Variants in ITLN1 observed in about 807,000 individuals in gnomAD.
ITLN1 encodes the protein intelectin 1, also known as intelectin-1.
A neutral mutation model predicts 36.2 loss-of-function variants in ITLN1; 29 were observed. The ratio of observed to expected loss-of-function variants is 0.80; its 90% CI spans 0.60 to 1.09. The LOEUF (loss-of-function observed/expected upper bound fraction) is 1.09, where lower values mean the gene tolerates loss of function less well. Ranked by LOEUF, ITLN1 falls within the 50% of genes least tolerant of loss-of-function variation. ITLN1 has a pLI of 0.00. For missense variants in ITLN1, 358 were observed against 405.2 expected (o/e 0.88, Z 1.00); for synonymous variants, 143 against 146.5 (o/e 0.98, Z 0.17).
intron 3 of ITLN1, 47 bp downstream of exon 3, chr1:160,883,381 A>G (rs771272900): frequency 1.7e-4 from 229 of 1,320,990 alleles, no homozygotes; most frequent in Non-Finnish European, 2.1e-4. Flanking sequence ...CAGAAGACAC[A>G]ATCCTGATAC....
intron 7 of ITLN1, among the ~76,000 whole-genome samples, chr1:160,877,118 G>T (rs1429435752): frequency 6.6e-6 from 1 of 152,202 alleles, no homozygotes; most frequent in South Asian, 2.1e-4. Context: ...AGCACCTGTA[G>T]TCCCACTACT....
rs116498372 is a variant in ITLN1 at position 160,880,521 on chromosome 1, T to C, written c.685+67A>G. On this transcript the variant is annotated intron_variant, in intron 6 of 7. Coordinates refer to ENST00000326245, the MANE Select transcript of ITLN1 (RefSeq NM_017625.3). ...ACCAAGCTTCAGTCCGATGCATAACTGTTACCTAGCATAGTTGAATGTATT... is the reference window on the plus strand; with the variant it reads ...ACCAAGCTTCAGTCCGATGCATAACCGTTACCTAGCATAGTTGAATGTATT... The C allele has an allele frequency of 1.2e-3, 1,928 of 1,542,752 alleles. 9 individuals carry two copies. Among genetic ancestry groups the C allele is most frequent in the Non-Finnish European group, 8.3e-4 (934 of 1,121,712 alleles).
At chr1:160,883,281 C>T in intron 3 of ITLN1, 147 bp downstream of exon 3, 1 of 556,972 alleles carries the variant, frequency 1.8e-6, no homozygotes, top group South Asian at 2.1e-5. Context: ...GAATTGCACA[C>T]TTAATGTTGC....
chr1:160,877,359 C>T (rs1670606554), intron 7 of ITLN1, among the ~76,000 whole-genome samples: 1 of 152,176 alleles, frequency 6.6e-6, no homozygotes, highest in Admixed American at 6.5e-5. Flanking sequence ...CATAAATCCT[C>T]TAAGTGCTGC....
rs1670658656 is a variant in ITLN1, at chr1:160,880,571, G to T, written c.685+17C>A. The T allele has an allele frequency of 1.2e-6, 2 of 1,613,084 alleles. No homozygotes were observed. Among genetic ancestry groups the T allele is most frequent in the Non-Finnish European group, 1.7e-6 (2 of 1,179,562 alleles). ...TCCCTTTCCTACCAGGAGTTCAGAG[G>T]ATCATTAAAGACTCACGCTGGCCAT... On this transcript the variant is annotated intron_variant, in intron 6 of 7. Coordinates refer to ENST00000326245, the MANE Select transcript of ITLN1 (RefSeq NM_017625.3).
In ITLN1 at chr1:160,880,685, T is replaced by C. The variant is rs751119671; in HGVS notation, c.588A>G (p.Glu196=). Reference sequence around the variant, plus strand: ...GGCCGTTGTCAGTCCAACACTTTCCTTCTCCATATTTCACTGGATATTTCT... The same window carrying C: ...GGCCGTTGTCAGTCCAACACTTTCCCTCTCCATATTTCACTGGATATTTCT... ...IYQKYPVKYG[E]GKCWTDNGPV... Residue 196 remains glutamate (E), a synonymous_variant, in exon 6 of 8, where the codon GAA becomes GAG. Transcript: ENST00000326245. 31 of 1,614,024 alleles carry C rather than the reference T, an allele frequency of 1.9e-5. No homozygotes were observed. The highest frequency in any genetic ancestry group is 2.3e-5 in the Non-Finnish European group (27 of 1,180,016).
At position 160,884,894 on chromosome 1, in the gene ITLN1, C is replaced by A; in HGVS notation, c.-6-11G>T. On this transcript the variant is annotated splice_polypyrimidine_tract_variant and intron_variant, in intron 1 of 7. Coordinates refer to ENST00000326245, the MANE Select transcript of ITLN1 (RefSeq NM_017625.3). ...TTGGTTCATTGTAATCTAAAGAAAG[C>A]AAGATGAAGGTCACCATCTTGGCCA... 6.2e-7 allele frequency: 1 copy of A among 1,601,900 alleles called. No homozygotes were observed. The highest frequency in any genetic ancestry group is 1.3e-5 in the African/African-American group (1 of 74,822).
At position 160,883,470 on chromosome 1, in the gene ITLN1, T is replaced by A. The variant is rs1050534915; in HGVS notation, c.115A>T (p.Arg39Ter). ...TCGTCTTTGATTTCCTTGCAGCTTC[T>A]GGGCAGAGATGGAGACGAAGAACAG... ...WTCSSSPSLP[R>*]SCKEIKDECP... The change falls in exon 3 of 8, where the codon AGA becomes TGA. Residue 39 changes from arginine (R) to a stop codon, truncating the protein, a stop_gained. Transcript: ENST00000326245. LOFTEE classifies it high-confidence loss of function. The A allele has an allele frequency of 6.2e-7, 1 of 1,613,734 alleles. No individual in the cohort carries two copies. Among genetic ancestry groups the A allele is most frequent in the Non-Finnish European group, 8.5e-7 (1 of 1,179,770 alleles).
Position 160,882,223 on chromosome 1 carries a change from C to T in ITLN1, c.158-19G>A. 6.4e-7 allele frequency: 1 copy of T among 1,550,456 alleles called. No individual in the cohort carries two copies. The highest frequency in any genetic ancestry group is 8.7e-7 in the Non-Finnish European group (1 of 1,146,894). On this transcript the variant is annotated intron_variant, in intron 3 of 7. Transcript: ENST00000326245. The stretch of plus-strand genomic sequence containing the variant: ...AGGCCATCTGTAGAGAGAACCAGCC[C>T]AGAGCCTCCCTGTCTGAGAGCTGAG...
chr1:160,878,569 TAA>T (rs1670628620), intron 7 of ITLN1, among the ~76,000 whole-genome samples: 1 of 151,980 alleles, frequency 6.6e-6, no homozygotes, highest in Non-Finnish European at 1.5e-5. Flanking sequence ...GTATTTTTTG[TAA>T]AGACAAGTTT....
chr1:160,882,535 T>C (rs1299349907), intron 3 of ITLN1, among the ~76,000 whole-genome samples: 1 of 152,234 alleles, frequency 6.6e-6, no homozygotes, highest in East Asian at 1.9e-4. Context: ...TACACCAGTG[T>C]TCATTGCAGC....
chr1:160,876,850 G>A, intron 7 of ITLN1, 34 bp from the exon 8 acceptor site: 4 of 1,607,626 alleles, frequency 2.5e-6, no homozygotes, highest in South Asian at 1.1e-5. Context: ...GCAGTAATGA[G>A]AGATCTGCCA....
At position 160,882,082 on chromosome 1, in the gene ITLN1, A is replaced by G. The variant is rs551693271; in HGVS notation, c.280T>C (p.Cys94Arg). The change falls in exon 4 of 8, where the codon TGC becomes CGC. Residue 94 changes from cysteine to arginine, a missense_variant. Transcript: ENST00000326245. ...CTGGACCAGCGATCGCCCACCGTGC[A>G]CTTCCCACGCATGTCATTCTCGTGC... ...SVHENDMRGK[C>R]TVGDRWSSQQ... The G allele has an allele frequency of 1.1e-5, 17 of 1,614,124 alleles. No homozygotes were observed. In the East Asian group the frequency reaches 3.6e-4, roughly 34 times the overall value.
In ITLN1 at chr1:160,881,965, C is replaced by T. The variant is rs1172807657; in HGVS notation, c.397G>A (p.Asp133Asn). Residue 133 changes from aspartate (D) to asparagine (N), a missense_variant, in exon 4 of 8, where the codon GAC (aspartate) becomes AAC (asparagine). Asp to Asn is a conservative substitution (Grantham distance 23). Coordinates refer to ENST00000326245, the MANE Select transcript of ITLN1 (RefSeq NM_017625.3). ...TAAGAAGTGGCACCAACCTTGTAGT[C>T]ATCGCTCGTGGCCGCCTCTGCAGAT... ...FGSAEAATSD[D>N]YKNPGYYDIQ... 3.1e-6 allele frequency: 5 copies of T among 1,614,176 alleles called. No individual in the cohort carries two copies. The South Asian group carries it at 5.5e-5, about 18-fold the overall frequency.
At chr1:160,880,483 A>G (rs1417006346) in intron 6 of ITLN1, 105 bp downstream of exon 6, 12 of 1,190,396 alleles carry the variant, frequency 1.0e-5, no homozygotes, top group East Asian at 2.4e-5. Context: ...TATAGGGAAC[A>G]TTACAGGAGA....
In ITLN1 at chr1:160,883,552, C is replaced by T. The variant is rs1313786555; in HGVS notation, c.59-26G>A. The T allele has an allele frequency of 5.3e-6, 8 of 1,515,998 alleles. No individual in the cohort carries two copies. The Admixed American group carries it at 8.4e-5, about 16-fold the overall frequency. 93.9% of individuals were successfully genotyped at this position (1,515,998 alleles called of 1,614,324 possible). A position where few individuals can be genotyped will look rare whatever the true frequency, so the allele number is the denominator to read the frequency against. On this transcript the variant is annotated intron_variant, in intron 2 of 7. Coordinates refer to ENST00000326245, the MANE Select transcript of ITLN1 (RefSeq NM_017625.3). Reference sequence around the variant, plus strand: ...CTAGGGAATACACAGGGTTTATTCTCATTCCCGGTTTGACACAAAACCTAC... The same window carrying T: ...CTAGGGAATACACAGGGTTTATTCTTATTCCCGGTTTGACACAAAACCTAC...
intron 5 of ITLN1, 67 bp from the exon 6 acceptor site, chr1:160,880,775 G>T: frequency 6.4e-7 from 1 of 1,558,768 alleles, no homozygotes; most frequent in East Asian, 2.3e-5. Flanking sequence ...CATCTCCTGG[G>T]ATGCTGCCAT....
At chr1:160,877,542 A>T (rs925323396) in intron 7 of ITLN1, among the ~76,000 whole-genome samples, 3 of 152,158 alleles carry the variant, frequency 2.0e-5, no homozygotes, top group African/African-American at 7.2e-5. Flanking sequence ...CAAGCTCCAA[A>T]TGACCAAAAT....
At chr1:160,884,149 GA>G (rs11344819) in intron 2 of ITLN1, among the ~76,000 whole-genome samples, 95,181 of 146,234 alleles carry the variant, frequency 0.65, 30,819 homozygotes, top group Middle Eastern at 0.72. Context: ...AAGGCCTAGA[GA>G]AAAAAAAAAA....
Sources: allele counts gnomAD v4.1 joint callset (sites outside exome capture counted in the v4.1 genomes callset), GRCh38; gene constraint gnomAD v4.1.1; transcripts MANE v1.5; gene names NCBI Gene and HGNC (gene_info 2026-07-23, HGNC 2026-07-21).